Variants in SCN7A observed in about 807,000 individuals in gnomAD.
SCN7A encodes the protein sodium channel protein type 7 subunit alpha.
A neutral mutation model predicts 155.2 loss-of-function variants in SCN7A; 138 were observed. The observed-to-expected ratio is 0.89, with a 90% CI of 0.77 to 1.02. The LOEUF (loss-of-function observed/expected upper bound fraction) is 1.02, where lower values mean the gene tolerates loss of function less well. Among genes scored for constraint, SCN7A ranks in the 50% least tolerant of loss-of-function variants. SCN7A has a pLI of 0.00. For missense variants in SCN7A, 2,058 were observed against 1,986.6 expected (o/e 1.04, Z -0.68); for synonymous variants, 693 against 649.0 (o/e 1.07, Z -1.03).
intron 11 of SCN7A, among the ~76,000 whole-genome samples, chr2:166,453,169 C>T (rs1702208673): frequency 1.3e-5 from 2 of 152,036 alleles, no homozygotes; most frequent in South Asian, 4.1e-4. Context: ...GACTGAACCT[C>T]AGTTTTCTTA....
intron 1 of SCN7A, 88 bp from the exon 2 acceptor site, chr2:166,487,056 TAAC>T (rs1345995497): frequency 6.6e-6 from 1 of 152,252 alleles, no homozygotes; most frequent in Non-Finnish European, 1.5e-5. Flanking sequence ...ACCTCCAGGA[TAAC>T]AACTTTCTTT....
At chr2:166,492,657 T>G (rs917869375) in intron 1 of SCN7A, among the ~76,000 whole-genome samples, 4 of 152,214 alleles carry the variant, frequency 2.6e-5, no homozygotes, top group African/African-American at 9.6e-5. Flanking sequence ...TGAATTTCAC[T>G]TCCTCTAGTG....
At chr2:166,480,033 A>T (rs192705542) in intron 2 of SCN7A, among the ~76,000 whole-genome samples, 269 of 152,328 alleles carry the variant, frequency 1.8e-3, no homozygotes, top group South Asian at 5.8e-3. Flanking sequence ...ACATATACAA[A>T]CATGCATATG....
chr2:166,476,686 A>G (rs1462675591), intron 3 of SCN7A, among the ~76,000 whole-genome samples: 1 of 151,998 alleles, frequency 6.6e-6, no homozygotes, highest in Non-Finnish European at 1.5e-5. Context: ...TATTAAATCC[A>G]TGTTGATATC....
In SCN7A at chr2:166,406,307, T is replaced by C. The variant is rs746854934; in HGVS notation, c.4322A>G (p.Asp1441Gly). ...AIFAGWDGML[D>G]AIFNSKWSDC... Reference sequence around the variant, plus strand: ...AGACCATTTACTGTTGAAAATTGCATCAAGCATCCCATCCCAACCAGCAAA... The same window carrying C: ...AGACCATTTACTGTTGAAAATTGCACCAAGCATCCCATCCCAACCAGCAAA... The change falls in exon 26 of 26, where the codon GAT becomes GGT. Residue 1441 changes from aspartate (D) to glycine (G), a missense_variant. Transcript: ENST00000643258. The C allele has an allele frequency of 6.2e-7, 1 of 1,613,158 alleles. No individual in the cohort carries two copies. Among genetic ancestry groups the C allele is most frequent in the South Asian group, 1.1e-5 (1 of 91,076 alleles).
intron 5 of SCN7A, among the ~76,000 whole-genome samples, chr2:166,473,220 G>A (rs1162414721): frequency 6.6e-6 from 1 of 151,514 alleles, no homozygotes; most frequent in Non-Finnish European, 1.5e-5. Context: ...CTAGCTGAGA[G>A]GTGATAGTCT....
chr2:166,477,501 A>T lies in SCN7A; in HGVS notation c.196T>A (p.Leu66Met). 6.4e-7 allele frequency: 1 copy of T among 1,552,676 alleles called. No individual in the cohort carries two copies. The highest frequency in any genetic ancestry group is 8.7e-7 in the Non-Finnish European group (1 of 1,147,088). The change falls in exon 3 of 26, where the codon TTG (leucine) becomes ATG (methionine). Residue 66 changes from leucine to methionine, a missense_variant. By Grantham distance (15) the Leu-to-Met change is conservative. Coordinates refer to ENST00000643258, the MANE Select transcript of SCN7A (RefSeq NM_002976.4). The part of the protein sequence containing the change: ...NLSQGMVSEP[L>M]EDVDPYYYKK... Reference sequence around the variant, plus strand: ...TAGTAATATGGGTCCACATCTTCCAAGGGCTCTGACACCATTCCTTGAGAA... The same window carrying T: ...TAGTAATATGGGTCCACATCTTCCATGGGCTCTGACACCATTCCTTGAGAA...
intron 7 of SCN7A, among the ~76,000 whole-genome samples, chr2:166,468,950 C>A (rs554414924): frequency 3.9e-4 from 59 of 151,158 alleles, no homozygotes; most frequent in African/African-American, 1.4e-3. Context: ...TACTTTTATT[C>A]TTTAATACTT....
Position 166,472,310 on chromosome 2 carries a change from TACTC to T in SCN7A, c.572+3_572+6del, listed in dbSNP as rs1206885175. The T allele has an allele frequency of 3.8e-6, 6 of 1,581,254 alleles. No homozygotes were observed. The highest frequency in any genetic ancestry group is 5.1e-6 in the Non-Finnish European group (6 of 1,168,280). On this transcript the variant is annotated splice_donor_5th_base_variant and intron_variant, in intron 6 of 25. Transcript: ENST00000643258. ...TTAAAATAGACTCAATTTAAAGAAATACTCACTCAAACACAGTTACGCTGAAATC... is the reference window on the plus strand; with the variant it reads ...TTAAAATAGACTCAATTTAAAGAAATACTCAAACACAGTTACGCTGAAATC...
chr2:166,420,572 A>G (rs555041099), intron 20 of SCN7A, among the ~76,000 whole-genome samples: 26 of 152,166 alleles, frequency 1.7e-4, no homozygotes, highest in Middle Eastern at 3.4e-3. Context: ...CAGGTACAAA[A>G]GATTGAACAC....
intron 15 of SCN7A, among the ~76,000 whole-genome samples, chr2:166,438,959 G>T (rs1190067866): frequency 4.4e-5 from 6 of 136,600 alleles, no homozygotes; most frequent in Admixed American, 3.9e-4. Flanking sequence ...AAAGAAGCAG[G>T]AATGTTTAGG....
intron 15 of SCN7A, among the ~76,000 whole-genome samples, chr2:166,435,110 C>G (rs547411475): frequency 1.3e-5 from 2 of 151,724 alleles, no homozygotes; most frequent in Admixed American, 1.3e-4. Context: ...TAAAAATGAA[C>G]GTAATCTTAA....
chr2:166,432,011 C>A (rs1701741753), intron 16 of SCN7A, among the ~76,000 whole-genome samples: 1 of 152,032 alleles, frequency 6.6e-6, no homozygotes, highest in Non-Finnish European at 1.5e-5. Flanking sequence ...TAGAATGTCA[C>A]AATTATATCA....
At position 166,462,502 on chromosome 2, in the gene SCN7A, T is replaced by C. The variant is rs1229428252; in HGVS notation, c.970A>G (p.Lys324Glu). The C allele has an allele frequency of 1.9e-6, 3 of 1,613,700 alleles. No homozygotes were observed. The highest frequency in any genetic ancestry group is 2.5e-6 in the Non-Finnish European group (3 of 1,179,844). Residue 324 changes from lysine to glutamate, a missense_variant, in exon 10 of 26, where the codon AAA (lysine) becomes GAA (glutamate). Transcript: ENST00000643258. ...CCTTGATCAGGATTTATGCCAGCTT[T>C]TACACACACATATCCTTCAGGACAC... is the stretch of plus-strand genomic sequence containing the variant. ...GQCPEGYVCVKAGINPDQGFT... is the reference protein window; with the variant it reads ...GQCPEGYVCVEAGINPDQGFT...
chr2:166,478,803 T>C (rs1702857694), intron 2 of SCN7A, among the ~76,000 whole-genome samples: 1 of 152,018 alleles, frequency 6.6e-6, no homozygotes, highest in Non-Finnish European at 1.5e-5. Flanking sequence ...ATTTCAACTC[T>C]AGTCTTTACC....
chr2:166,474,951 C>T (rs1702747513), intron 3 of SCN7A, among the ~76,000 whole-genome samples: 1 of 150,316 alleles, frequency 6.7e-6, no homozygotes, highest in African/African-American at 2.4e-5. Flanking sequence ...AATGAAATAT[C>T]AGAAATATTC....
intron 14 of SCN7A, among the ~76,000 whole-genome samples, chr2:166,442,688 T>C (rs774033905): frequency 1.1e-4 from 16 of 152,188 alleles, no homozygotes; most frequent in Middle Eastern, 3.2e-3. Flanking sequence ...CATTTATCTA[T>C]GAAAAAAATT....
intron 12 of SCN7A, 111 bp downstream of exon 12, chr2:166,447,501 A>C: frequency 1.6e-6 from 1 of 643,128 alleles, no homozygotes; most frequent in East Asian, 2.9e-5. Context: ...AATATTTCTT[A>C]AATTTTTGTT....
chr2:166,461,048 CTTTTTTTTTTTTTT>C (rs34717897), intron 10 of SCN7A, among the ~76,000 whole-genome samples: 2 of 96,704 alleles, frequency 2.1e-5, no homozygotes, highest in East Asian at 3.5e-4. Context: ...GTAATATTTT[CTTTTTTTTTTTTTT>C]TTTTTTTTTT....
Sources: allele counts gnomAD v4.1 joint callset (sites outside exome capture counted in the v4.1 genomes callset), GRCh38; gene constraint gnomAD v4.1.1; transcripts MANE v1.5; gene names NCBI Gene and HGNC (gene_info 2026-07-23, HGNC 2026-07-21).